SCHIP1: variants seen among roughly 807,000 people sequenced by gnomAD.
SCHIP1 encodes schwannomin interacting protein 1, also known as schwannomin-interacting protein 1.
In SCHIP1, 8 loss-of-function variants were observed where a neutral mutation model predicts 29.7. The ratio of observed to expected loss-of-function variants is 0.27; its 90% CI spans 0.16 to 0.49. The LOEUF (loss-of-function observed/expected upper bound fraction) is 0.49, where lower values mean the gene tolerates loss of function less well. Ranked by LOEUF, SCHIP1 falls within the 20% of genes least tolerant of loss-of-function variation. SCHIP1 has a pLI of 0.99. For missense variants in SCHIP1, 193 were observed against 294.6 expected, an observed-to-expected ratio of 0.66 and a Z score of 2.52; for synonymous variants, 76 against 94.9, an observed-to-expected ratio of 0.80 and a Z score of 1.16.
chr3:159,865,240 T>G (rs1411569135), intron 1 of SCHIP1, among the ~76,000 whole-genome samples: 3 of 152,196 alleles, frequency 2.0e-5, no homozygotes, highest in African/African-American at 7.2e-5. Flanking sequence ...AAACTAAAAT[T>G]TCATCCTTAG....
chr3:159,534,021 T>A, the SCHIP1 span, among the ~76,000 whole-genome samples: 16 of 152,216 alleles, frequency 1.1e-4, no homozygotes, highest in East Asian at 7.7e-4. Context: ...GGTTTGGTCA[T>A]CTTCATTCTT....
the SCHIP1 span, among the ~76,000 whole-genome samples, chr3:159,573,469 G>C: frequency 1.3e-5 from 2 of 152,200 alleles, no homozygotes; most frequent in African/African-American, 4.8e-5. Context: ...GGTTTCTGCT[G>C]AGAGATCCAC....
chr3:159,810,813 GT>G, the SCHIP1 span, among the ~76,000 whole-genome samples: 18 of 151,968 alleles, frequency 1.2e-4, no homozygotes, highest in African/African-American at 4.3e-4. Flanking sequence ...TTTCTCTTGG[GT>G]AGATTCTCAG....
chr3:159,829,857 C>G, the SCHIP1 span, among the ~76,000 whole-genome samples: 1 of 152,156 alleles, frequency 6.6e-6, no homozygotes, highest in Admixed American at 6.5e-5. Context: ...CAATGACAAG[C>G]AAACACCCAA....
the SCHIP1 span, among the ~76,000 whole-genome samples, chr3:159,532,638 C>G: frequency 6.6e-6 from 1 of 151,952 alleles, no homozygotes. Context: ...ACAGATACAC[C>G]AGAAAAATAA....
the SCHIP1 span, among the ~76,000 whole-genome samples, chr3:159,313,845 C>T: frequency 2.0e-5 from 3 of 152,228 alleles, no homozygotes; most frequent in South Asian, 6.2e-4. Flanking sequence ...CACCTTAACT[C>T]CTTTGAAGAA....
the SCHIP1 span, among the ~76,000 whole-genome samples, chr3:159,485,815 A>T: frequency 6.6e-6 from 1 of 152,156 alleles, no homozygotes; most frequent in African/African-American, 2.4e-5. Flanking sequence ...ATTGTTTGTG[A>T]ACTATTTTCT....
the SCHIP1 span, among the ~76,000 whole-genome samples, chr3:159,702,298 A>G: frequency 6.6e-6 from 1 of 152,180 alleles, no homozygotes. Context: ...GAAATTCCCC[A>G]AATTCTTCAT....
the SCHIP1 span, among the ~76,000 whole-genome samples, chr3:159,286,395 G>C: frequency 6.6e-6 from 1 of 152,166 alleles, no homozygotes; most frequent in Non-Finnish European, 1.5e-5. Context: ...TGCTGCAAAA[G>C]ACATGATTTC....
chr3:159,813,759 T>C, the SCHIP1 span, among the ~76,000 whole-genome samples: 1 of 152,186 alleles, frequency 6.6e-6, no homozygotes, highest in Non-Finnish European at 1.5e-5. Flanking sequence ...CCTCTATATC[T>C]GTATTGATTA....
chr3:159,833,004 T>C, the SCHIP1 span, among the ~76,000 whole-genome samples: 1 of 152,348 alleles, frequency 6.6e-6, no homozygotes, highest in Non-Finnish European at 1.5e-5. Flanking sequence ...CACAGATATG[T>C]ACGTATGGGA....
chr3:159,660,034 G>A, the SCHIP1 span, among the ~76,000 whole-genome samples: 1 of 152,268 alleles, frequency 6.6e-6, no homozygotes, highest in South Asian at 2.1e-4. Context: ...ACCATATTTA[G>A]TTCCTTCTGA....
the SCHIP1 span, among the ~76,000 whole-genome samples, chr3:159,713,860 A>G: frequency 1.3e-5 from 2 of 152,250 alleles, no homozygotes; most frequent in African/African-American, 4.8e-5. Context: ...AAAGCAAACA[A>G]ATACAATGTT....
the SCHIP1 span, among the ~76,000 whole-genome samples, chr3:159,799,448 T>C: frequency 6.6e-6 from 1 of 152,202 alleles, no homozygotes. Context: ...ACAAAATATA[T>C]GTTTATCCAA....
chr3:159,491,784 A>C, the SCHIP1 span, among the ~76,000 whole-genome samples: 1 of 152,232 alleles, frequency 6.6e-6, no homozygotes, highest in Admixed American at 6.5e-5. Flanking sequence ...TGGAGATCTG[A>C]GAACAGGCAG....
the SCHIP1 span, among the ~76,000 whole-genome samples, chr3:159,479,947 G>A: frequency 6.6e-6 from 1 of 152,140 alleles, no homozygotes; most frequent in Non-Finnish European, 1.5e-5. Context: ...CTGTGGAGTT[G>A]GGGAAAATTG....
At chr3:159,874,486 G>C (rs1479262588) in intron 2 of SCHIP1, among the ~76,000 whole-genome samples, 1 of 152,158 alleles carries the variant, frequency 6.6e-6, no homozygotes, top group Non-Finnish European at 1.5e-5. Context: ...TTTGTGTTTG[G>C]GCTGGAGGGC....
the SCHIP1 span, among the ~76,000 whole-genome samples, chr3:159,583,121 CAT>C: frequency 2.6e-5 from 4 of 152,206 alleles, no homozygotes; most frequent in African/African-American, 9.6e-5. Flanking sequence ...ACTTGTACCA[CAT>C]GTTAGGATTT....
At chr3:159,451,370 G>A in the SCHIP1 span, among the ~76,000 whole-genome samples, 1 of 152,194 alleles carries the variant, frequency 6.6e-6, no homozygotes, top group Non-Finnish European at 1.5e-5. Flanking sequence ...AGAGCTTATG[G>A]ATAAACCACT....
Sources: gnomAD v4.1 joint callset for allele counts (sites outside exome capture counted in the v4.1 genomes callset) on GRCh38, gnomAD v4.1.1 for gene constraint, MANE v1.5 for transcripts, NCBI Gene and HGNC (gene_info 2026-07-23, HGNC 2026-07-21) for gene names.